The following USH2A variants were observed in gnomAD, a reference collection of about 807,000 sequenced individuals.
USH2A encodes usherin, also known as Usher syndrome 2A (autosomal recessive, mild).
USH2A carries 443 observed loss-of-function variants against 538.9 expected under a neutral mutation model. The ratio of observed to expected loss-of-function variants is 0.82; its 90% CI spans 0.76 to 0.89. USH2A has a LOEUF of 0.89. Ranked by LOEUF, USH2A falls within the 40% of genes least tolerant of loss-of-function variation. The probability of loss-of-function intolerance (pLI) is 0.00; values close to 1 mark genes in which losing one functional copy is unlikely to be tolerated. For missense variants in USH2A, 6,633 were observed against 6,324.8 expected (o/e 1.05, Z -1.65); for synonymous variants, 2,413 against 2,273.5 (o/e 1.06, Z -1.75).
chr1:216,296,833 C>T (rs988182517), intron 9 of USH2A, among the ~76,000 whole-genome samples: 2 of 151,928 alleles, frequency 1.3e-5, no homozygotes, highest in African/African-American at 4.8e-5. Flanking sequence ...ACCAGCAATG[C>T]CCATCTGCAA....
intron 71 of USH2A, 92 bp from the exon 72 acceptor site, chr1:215,625,962 AATAAGT>A: frequency 1.5e-6 from 2 of 1,296,974 alleles, no homozygotes; most frequent in South Asian, 2.5e-5. Flanking sequence ...TGTAAAAAGT[AATAAGT>A]ATTAAAGGCT....
intron 32 of USH2A, among the ~76,000 whole-genome samples, chr1:216,030,438 T>C (rs55657043): frequency 0.31 from 23,582 of 76,784 alleles, 2,820 homozygotes; most frequent in South Asian, 0.46. Context: ...ATATAATATA[T>C]ATGATATATA....
intron 30 of USH2A, among the ~76,000 whole-genome samples, chr1:216,060,921 G>A (rs1251028968): frequency 1.3e-5 from 2 of 152,196 alleles, no homozygotes; most frequent in African/African-American, 4.8e-5. Context: ...TAACAGGGCT[G>A]CAGGAAAAAT....
intron 21 of USH2A, among the ~76,000 whole-genome samples, chr1:216,167,230 G>A (rs1386628385): frequency 2.0e-5 from 3 of 151,930 alleles, no homozygotes; most frequent in South Asian, 2.1e-4. Flanking sequence ...GAGAAGCACC[G>A]CCCCCCACAA....
chr1:216,337,766 A>C (rs2038001253), intron 4 of USH2A, among the ~76,000 whole-genome samples: 1 of 151,362 alleles, frequency 6.6e-6, no homozygotes, highest in South Asian at 2.1e-4. Flanking sequence ...CTACCTCAAC[A>C]ATTCAAATAA....
intron 13 of USH2A, among the ~76,000 whole-genome samples, chr1:216,243,997 C>T (rs1262926433): frequency 6.6e-6 from 1 of 152,116 alleles, no homozygotes; most frequent in Non-Finnish European, 1.5e-5. Flanking sequence ...AGCTTGAGCA[C>T]ATTTTCAAAA....
intron 32 of USH2A, among the ~76,000 whole-genome samples, chr1:216,009,185 G>GTTA (rs1297365829): frequency 6.6e-6 from 1 of 151,702 alleles, no homozygotes; most frequent in Non-Finnish European, 1.5e-5. Flanking sequence ...TTTTCTGGAG[G>GTTA]GTAAGAACCC....
At chr1:215,887,761 G>T (rs538223058) in intron 41 of USH2A, among the ~76,000 whole-genome samples, 2 of 152,184 alleles carry the variant, frequency 1.3e-5, no homozygotes, top group Admixed American at 1.3e-4. Context: ...GCTCCGGTGA[G>T]CAAGCTACTG....
chr1:216,354,853 T>C (rs891884539), intron 4 of USH2A, among the ~76,000 whole-genome samples: 1 of 152,094 alleles, frequency 6.6e-6, no homozygotes, highest in Non-Finnish European at 1.5e-5. Context: ...AGTTTGAAGA[T>C]ACAACTATCA....
At position 216,217,432 on chromosome 1, in the gene USH2A, T is replaced by G; in HGVS notation, c.3112A>C (p.Ser1038Arg). ...TGSKCDACVP[S>R]ASHLDVNNLL... ...TTGTTGACATCCAAGTGGCTTGCACTGGGAACACAAGCATCACACTTTGAG... is the reference window on the plus strand; with the variant it reads ...TTGTTGACATCCAAGTGGCTTGCACGGGGAACACAAGCATCACACTTTGAG... The change falls in exon 15 of 72, where the codon AGT becomes CGT. Residue 1038 changes from serine (S) to arginine (R), a missense_variant. Transcript: ENST00000307340. The G allele has an allele frequency of 1.2e-6, 2 of 1,613,260 alleles. No individual in the cohort carries two copies. Among genetic ancestry groups the G allele is most frequent in the Admixed American group, 1.7e-5 (1 of 59,934 alleles).
chr1:215,728,037 G>C lies in USH2A; in HGVS notation c.12059C>G (p.Thr4020Arg). 1 of 1,614,092 alleles carries C rather than the reference G, an allele frequency of 6.2e-7. No individual in the cohort carries two copies. Among genetic ancestry groups the C allele is most frequent in the Non-Finnish European group, 8.5e-7 (1 of 1,180,032 alleles). ...TTTTCTAAAGGGTCTTACCTTCACT[G>C]TGAAAGCATGCACGGTAGGGCTGTT... ...TFNSPTVHAF[T>R]VKGTSHQAHL... The change falls in exon 61 of 72, where the codon ACA becomes AGA. Residue 4020 changes from threonine to arginine, a missense_variant. Physicochemically the swap from Thr to Arg is moderately conservative, Grantham distance 71. Coordinates refer to ENST00000307340, the MANE Select transcript of USH2A (RefSeq NM_206933.4).
intron 21 of USH2A, among the ~76,000 whole-genome samples, chr1:216,098,289 G>T (rs1164147072): frequency 1.3e-5 from 2 of 152,090 alleles, no homozygotes; most frequent in African/African-American, 4.8e-5. Flanking sequence ...CAGTTTAGTT[G>T]AAAATATTAA....
At chr1:215,717,134 C>T (rs1571980991) in intron 61 of USH2A, among the ~76,000 whole-genome samples, 1 of 152,198 alleles carries the variant, frequency 6.6e-6, no homozygotes, top group African/African-American at 2.4e-5. Flanking sequence ...TGAAAGAAAC[C>T]CATTAACTGC....
At chr1:216,395,880 C>A (rs1261320572) in intron 3 of USH2A, among the ~76,000 whole-genome samples, 1 of 152,070 alleles carries the variant, frequency 6.6e-6, no homozygotes, top group African/African-American at 2.4e-5. Flanking sequence ...AGAAATATTG[C>A]CCCAAATCAA....
chr1:216,109,503 T>C (rs1571968496), intron 21 of USH2A, among the ~76,000 whole-genome samples: 1 of 152,218 alleles, frequency 6.6e-6, no homozygotes, highest in Admixed American at 6.5e-5. Flanking sequence ...GACAGACTCA[T>C]AGAAAAAGAT....
intron 4 of USH2A, among the ~76,000 whole-genome samples, chr1:216,358,690 T>A (rs2038435439): frequency 6.6e-6 from 1 of 152,100 alleles, no homozygotes. Context: ...AAAAATTATT[T>A]AAAATATCCT....
intron 21 of USH2A, among the ~76,000 whole-genome samples, chr1:216,168,966 A>G (rs2034222791): frequency 6.6e-6 from 1 of 152,042 alleles, no homozygotes; most frequent in African/African-American, 2.4e-5. Context: ...CAAACTCTCC[A>G]AGAGACTGAT....
At chr1:215,909,409 C>T (rs1476407320) in intron 38 of USH2A, among the ~76,000 whole-genome samples, 1 of 151,688 alleles carries the variant, frequency 6.6e-6, no homozygotes, top group Admixed American at 6.6e-5. Context: ...ATAGGATGTA[C>T]AACACCAAGA....
chr1:216,332,208 C>T (rs1364212988), intron 4 of USH2A, among the ~76,000 whole-genome samples: 2 of 152,042 alleles, frequency 1.3e-5, no homozygotes, highest in East Asian at 3.9e-4. Flanking sequence ...CCTGGAAGTA[C>T]CATGGAAAGC....
Sources: allele counts gnomAD v4.1 joint callset (sites outside exome capture counted in the v4.1 genomes callset), GRCh38; gene constraint gnomAD v4.1.1; transcripts MANE v1.5; gene names NCBI Gene and HGNC (gene_info 2026-07-23, HGNC 2026-07-21).